The following OSBPL3 variants were observed in gnomAD, a reference collection of about 807,000 sequenced individuals.
OSBPL3 encodes oxysterol binding protein like 3, also known as oxysterol-binding protein-related protein 3.
Under a neutral mutation model 120.1 loss-of-function variants are expected in OSBPL3, and 65 were observed. That is an observed-to-expected ratio of 0.54 (90% confidence interval 0.44 to 0.67). The LOEUF is 0.67. Ranked by LOEUF, OSBPL3 falls within the 30% of genes least tolerant of loss-of-function variation. The pLI, the probability that OSBPL3 is intolerant of heterozygous loss-of-function variation, is 0.00. For missense variants in OSBPL3, 1,004 were observed against 1,082.1 expected (o/e 0.93, Z 1.01); for synonymous variants, 416 against 402.6 (o/e 1.03, Z -0.40).
At position 24,831,404 on chromosome 7, in the gene OSBPL3, T is replaced by C. The variant is rs1376633408; in HGVS notation, c.1747-499A>G. Among the ~76,000 whole-genome samples the C allele has an allele frequency of 6.6e-6, 1 of 152,046 alleles. No homozygotes were observed. The stretch of plus-strand genomic sequence containing the variant: ...AAACATTCATTTTGACCAAAGAAAA[T>C]CTGTGAGTCATTTCCTAAGCCTGGG... On this transcript the variant is annotated intron_variant, in intron 15 of 22. Transcript: ENST00000313367. This position sits in a 1 kb window ranked among gnomAD's most constrained non-coding sequence, Gnocchi z 4.0.
In OSBPL3 at chr7:24,866,133, A is replaced by G. The variant is rs528199090; in HGVS notation, c.486T>C (p.Phe162=). ...AGTCTGTGATGGTGGACCCTGAGAAAAAGTGGTTAACTTCATGTGGAAACA... is the reference window on the plus strand; with the variant it reads ...AGTCTGTGATGGTGGACCCTGAGAAGAAGTGGTTAACTTCATGTGGAAACA... ...IAMFPHEVNH[F]FSGSTITDSS... The change falls in exon 6 of 23, where the codon TTT becomes TTC. Residue 162 remains phenylalanine (F), a synonymous_variant. Coordinates refer to ENST00000313367, the MANE Select transcript of OSBPL3 (RefSeq NM_015550.4). 2 of 1,613,832 alleles carry G rather than the reference A, an allele frequency of 1.2e-6. No homozygotes were observed. The highest frequency in any genetic ancestry group is 8.5e-7 in the Non-Finnish European group (1 of 1,179,688).
At chr7:24,864,230 T>G (rs1800990686) in intron 7 of OSBPL3, among the ~76,000 whole-genome samples, 1 of 152,186 alleles carries the variant, frequency 6.6e-6, no homozygotes, top group South Asian at 2.1e-4. Flanking sequence ...AGATAGTCCA[T>G]ATTTGCTGTT....
At position 24,913,528 on chromosome 7, in the gene OSBPL3, G is replaced by T. The variant is rs1413382420; in HGVS notation, c.-149-20907C>A. On this transcript the variant is annotated intron_variant, in intron 1 of 22. Transcript: ENST00000313367. The surrounding 1 kb of genome is among the most constrained non-coding windows in gnomAD (Gnocchi z 5.3). ...AAGAAGCAGACACGGTCTAGTGTGG[G>T]GGCCAATCAGCTGACAAAGGCCGGT... 6.6e-6 allele frequency among the ~76,000 whole-genome samples: 1 copy of T among 152,062 alleles called. No homozygotes were observed. Among genetic ancestry groups the T allele is most frequent in the East Asian group, 1.9e-4 (1 of 5,188 alleles).
In OSBPL3 at chr7:24,892,640, A is replaced by G. The variant is rs1805541375; in HGVS notation, c.-149-19T>C. On this transcript the variant is annotated intron_variant, in intron 1 of 22. Transcript: ENST00000313367. ...CTAAAACCTAAAAAAGAGAAATTAG[A>G]AAGAAGGTCAGAGGCATCAGATATC... 7.4e-7 allele frequency: 1 copy of G among 1,346,726 alleles called. No homozygotes were observed. The highest frequency in any genetic ancestry group is 9.6e-7 in the Non-Finnish European group (1 of 1,044,706). The allele number at this position is 1,346,726 out of a possible 1,614,324, so 83.4% of individuals were successfully genotyped here.
intron 1 of OSBPL3, among the ~76,000 whole-genome samples, chr7:24,924,262 C>T (rs1810759956): frequency 6.6e-6 from 1 of 151,976 alleles, no homozygotes; most frequent in Non-Finnish European, 1.5e-5. Context: ...AAATAAAGAC[C>T]ACAAGAAAAT....
rs540508808 is a variant in OSBPL3 at position 24,933,844 on chromosome 7, G to A, written c.-149-41223C>T. ...TTGGAATTTCAGTCAAATATACAGC[G>A]AAACATATATACACAAGAGCTATGC... is the stretch of plus-strand genomic sequence containing the variant. On this transcript the variant is annotated intron_variant, in intron 1 of 22. Coordinates refer to ENST00000313367, the MANE Select transcript of OSBPL3 (RefSeq NM_015550.4). The surrounding 1 kb of genome is among the most constrained non-coding windows in gnomAD (Gnocchi z 5.1). Among the ~76,000 whole-genome samples, 45 of 152,256 alleles carry A rather than the reference G, an allele frequency of 3.0e-4. No individual in the cohort carries two copies. The highest frequency in any genetic ancestry group is 5.3e-4 in the Non-Finnish European group (36 of 68,018).
chr7:24,883,531 T>C lies in OSBPL3; in HGVS notation c.96+8846A>G, dbSNP rs1804031310. Among the ~76,000 whole-genome samples the C allele has an allele frequency of 6.6e-6, 1 of 152,196 alleles. No homozygotes were observed. Among genetic ancestry groups the C allele is most frequent in the Non-Finnish European group, 1.5e-5 (1 of 68,036 alleles). On this transcript the variant is annotated intron_variant, in intron 2 of 22. Coordinates refer to ENST00000313367, the MANE Select transcript of OSBPL3 (RefSeq NM_015550.4). The surrounding 1 kb of genome is among the most constrained non-coding windows in gnomAD (Gnocchi z 5.4). ...TCTGGGCCAGGGTTCTGCCTTCCTG[T>C]ATCTTAAATGTGCCCACTGCCAACC...
At chr7:24,929,973 A>G (rs1404991641) in intron 1 of OSBPL3, among the ~76,000 whole-genome samples, 1 of 152,182 alleles carries the variant, frequency 6.6e-6, no homozygotes, top group Non-Finnish European at 1.5e-5. Context: ...CCAAATCCCC[A>G]AAGTTAGTCT....
chr7:24,831,030 GT>G lies in OSBPL3; in HGVS notation c.1747-126del. 1.1e-6 allele frequency: 1 copy of G among 950,592 alleles called. No homozygotes were observed. Among genetic ancestry groups the G allele is most frequent in the Non-Finnish European group, 1.5e-6 (1 of 676,358 alleles). 58.9% of individuals were successfully genotyped at this position (950,592 alleles called of 1,614,324 possible). On this transcript the variant is annotated intron_variant, in intron 15 of 22. Transcript: ENST00000313367. The surrounding 1 kb of genome is among the most constrained non-coding windows in gnomAD (Gnocchi z 4.0). ...GAAAGCCAAAGATTTGTCTTTGGTT[GT>G]TTTTAAACAACATAGGTTTAAAATT... is the stretch of plus-strand genomic sequence containing the variant.
intron 12 of OSBPL3, among the ~76,000 whole-genome samples, chr7:24,847,349 G>A: frequency 6.6e-6 from 1 of 152,160 alleles, no homozygotes; most frequent in African/African-American, 2.4e-5. Flanking sequence ...GATAAAATAA[G>A]GGAAACAGAA....
At position 24,800,145 on chromosome 7, in the gene OSBPL3, G is replaced by T; in HGVS notation, c.*38C>A. ...TGTGCCACTTCAGAAGGCAAGCACA[G>T]GAGAAATACACTAATGTTATCTTTC... is the stretch of plus-strand genomic sequence containing the variant. On this transcript the variant is annotated 3_prime_UTR_variant, in exon 23 of 23. Transcript: ENST00000313367. 8.4e-7 allele frequency: 1 copy of T among 1,184,790 alleles called. No individual in the cohort carries two copies. The highest frequency in any genetic ancestry group is 1.3e-6 in the Non-Finnish European group (1 of 789,828). The allele number at this position is 1,184,790 out of a possible 1,614,324, so 73.4% of individuals were successfully genotyped here.
chr7:24,954,804 G>C (rs963339742), intron 1 of OSBPL3, among the ~76,000 whole-genome samples: 4 of 152,182 alleles, frequency 2.6e-5, no homozygotes, highest in Admixed American at 6.5e-5. Context: ...ACATTACCTA[G>C]AAATCATAAA....
chr7:24,975,833 T>C (rs551651011), intron 1 of OSBPL3, among the ~76,000 whole-genome samples: 1 of 152,234 alleles, frequency 6.6e-6, no homozygotes, highest in South Asian at 2.1e-4. Context: ...TTAGAGAGAT[T>C]ATGCTGACAA....
At position 24,959,393 on chromosome 7, in the gene OSBPL3, A is replaced by C. The variant is rs1032824187; in HGVS notation, c.-150+20493T>G. Among the ~76,000 whole-genome samples, 3 of 152,208 alleles carry C rather than the reference A, an allele frequency of 2.0e-5. No homozygotes were observed. Among genetic ancestry groups the C allele is most frequent in the African/African-American group, 7.2e-5 (3 of 41,454 alleles). ...ATTAACACAATGCGATTCTAACAGC[A>C]ATAGGAATAAACAAACTAAAAACCA... On this transcript the variant is annotated intron_variant, in intron 1 of 22. Transcript: ENST00000313367. This position sits in a 1 kb window ranked among gnomAD's most constrained non-coding sequence, Gnocchi z 4.3.
In OSBPL3 at chr7:24,833,281, T is replaced by C. The variant is rs530869294; in HGVS notation, c.1746+1205A>G. ...ATTTTGGGAGGCCAGGGCAGGAGGG[T>C]TGCTTGAGTCTAGGAGTTCGAGGTT... On this transcript the variant is annotated intron_variant, in intron 15 of 22. Coordinates refer to ENST00000313367, the MANE Select transcript of OSBPL3 (RefSeq NM_015550.4). This position sits in a 1 kb window ranked among gnomAD's most constrained non-coding sequence, Gnocchi z 4.4. Among the ~76,000 whole-genome samples the C allele has an allele frequency of 6.3e-4, 96 of 152,022 alleles. No individual in the cohort carries two copies. Among genetic ancestry groups the C allele is most frequent in the Middle Eastern group, 3.4e-3 (1 of 294 alleles).
rs1049051169 is a variant in OSBPL3, at chr7:24,835,226, T to C, written c.1496-490A>G. Among the ~76,000 whole-genome samples the C allele has an allele frequency of 4.6e-5, 7 of 152,154 alleles. No individual in the cohort carries two copies. The highest frequency in any genetic ancestry group is 7.4e-5 in the Non-Finnish European group (5 of 68,024). ...TTTCGTGTTTTCTCCATTTGTGTTG[T>C]TCATACTGTATACGTATTTTATATT... On this transcript the variant is annotated intron_variant, in intron 14 of 22. Coordinates refer to ENST00000313367, the MANE Select transcript of OSBPL3 (RefSeq NM_015550.4). This position sits in a 1 kb window ranked among gnomAD's most constrained non-coding sequence, Gnocchi z 4.8.
intron 1 of OSBPL3, among the ~76,000 whole-genome samples, chr7:24,934,624 C>T (rs1812175964): frequency 2.6e-5 from 4 of 152,150 alleles, no homozygotes; most frequent in African/African-American, 9.7e-5. Flanking sequence ...CAAGGAAACT[C>T]AGCATAACTA....
intron 1 of OSBPL3, among the ~76,000 whole-genome samples, chr7:24,907,935 T>C (rs936393846): frequency 1.3e-5 from 2 of 152,128 alleles, no homozygotes; most frequent in Non-Finnish European, 2.9e-5. Context: ...AAGGAAAGAG[T>C]TCTCAGTGTG....
chr7:24,887,393 A>C (rs1303957318), intron 2 of OSBPL3, among the ~76,000 whole-genome samples: 1 of 152,222 alleles, frequency 6.6e-6, no homozygotes, highest in Non-Finnish European at 1.5e-5. Flanking sequence ...CGGTTTTTGA[A>C]ACAAGGTCAT....
Sources: allele counts gnomAD v4.1 joint callset (sites outside exome capture counted in the v4.1 genomes callset), GRCh38; gene constraint gnomAD v4.1.1; non-coding constraint Gnocchi (gnomAD v3.1); transcripts MANE v1.5; gene names NCBI Gene and HGNC (gene_info 2026-07-23, HGNC 2026-07-21).